PKHD1L1: variants seen among roughly 807,000 people sequenced by gnomAD.
The protein encoded by PKHD1L1 is PKHD1 like 1.
Under a neutral mutation model 462.9 loss-of-function variants are expected in PKHD1L1, and 434 were observed. The ratio of observed to expected loss-of-function variants is 0.94; its 90% CI spans 0.87 to 1.02. The LOEUF (loss-of-function observed/expected upper bound fraction) is 1.02. PKHD1L1 is among the 50% of genes least tolerant of loss of function. The pLI is 0.00. For synonymous variants in PKHD1L1, 1,781 were observed against 1,750.0 expected, an observed-to-expected ratio of 1.02 and a Z score of -0.44; for missense variants, 5,202 against 5,096.1, an observed-to-expected ratio of 1.02 and a Z score of -0.63.
intron 50 of PKHD1L1, chr8:109,470,152 C>T (rs572892010): frequency 3.4e-5 from 22 of 646,578 alleles, no homozygotes; most frequent in South Asian, 2.1e-4. Context: ...AGTTGATCCC[C>T]AAAAATATTT....
Position 109,510,881 on chromosome 8 carries a change from G to C in PKHD1L1, c.11500G>C (p.Gly3834Arg). The change falls in exon 71 of 78, where the codon GGC (glycine) becomes CGC (arginine). Residue 3834 changes from glycine to arginine, a missense_variant. By Grantham distance (125) the Gly-to-Arg change is moderately radical. Around this residue, in one of 3 missense-constraint regions of PKHD1L1, gnomAD observed 698 missense variants for 736.3 expected, o/e 0.95. Coordinates refer to ENST00000378402, the MANE Select transcript of PKHD1L1 (RefSeq NM_177531.6). ...CAAATCTTATGAAGTTTACTTCACT[G>C]GCACCAGTCCTCAGAATCTTCGACT... ...LNKSYEVYFT[G>R]TSPQNLRLML... 1.2e-6 allele frequency: 2 copies of C among 1,613,272 alleles called. No homozygotes were observed. The highest frequency in any genetic ancestry group is 2.2e-5 in the South Asian group (2 of 91,056).
chr8:109,447,424 G>A (rs1403854599), intron 38 of PKHD1L1, among the ~76,000 whole-genome samples: 1 of 152,062 alleles, frequency 6.6e-6, no homozygotes, highest in African/African-American at 2.4e-5. Context: ...AAGTTATGTT[G>A]ACGAATTTTC....
At chr8:109,374,489 A>G (rs952093311) in intron 2 of PKHD1L1, among the ~76,000 whole-genome samples, 1 of 152,210 alleles carries the variant, frequency 6.6e-6, no homozygotes, top group African/African-American at 2.4e-5. Flanking sequence ...TGGAGCATTT[A>G]GCCAATTTAC....
intron 76 of PKHD1L1, among the ~76,000 whole-genome samples, chr8:109,525,668 A>C (rs1206411802): frequency 6.6e-6 from 1 of 152,158 alleles, no homozygotes; most frequent in Non-Finnish European, 1.5e-5. Context: ...CTTCAGGAGG[A>C]GAAAAACAAA....
rs11987091 is a variant in PKHD1L1, at chr8:109,419,130, C to A, written c.2394C>A (p.Leu798=). ...WTYTCIDLLD[L]VRTKYTGTNV... ...ACACTTGCATAGACCTTCTGGATCT[C>A]GTAAGAACGAAATACACTGGGACAA... is the stretch of plus-strand genomic sequence containing the variant. The change falls in exon 22 of 78, where the codon CTC becomes CTA. Residue 798 remains leucine, a synonymous_variant. Transcript: ENST00000378402. The A allele has an allele frequency of 1.9e-6, 3 of 1,613,392 alleles. No homozygotes were observed. In the East Asian group the frequency reaches 6.7e-5, roughly 36 times the overall value.
At chr8:109,427,214 C>G (rs1814804197) in intron 25 of PKHD1L1, 58 bp downstream of exon 25, 2 of 1,306,400 alleles carry the variant, frequency 1.5e-6, no homozygotes, top group Admixed American at 1.9e-5. Flanking sequence ...TTATTTGGAC[C>G]CTGCCTTATT....
At chr8:109,470,077 C>T (rs1000833208) in intron 50 of PKHD1L1, 4 of 430,878 alleles carry the variant, frequency 9.3e-6, no homozygotes, top group Non-Finnish European at 1.6e-5. Context: ...GAAACACAGA[C>T]ATGTGCAACC....
At chr8:109,413,597 A>G in intron 21 of PKHD1L1, 52 bp downstream of exon 21, 2 of 1,345,526 alleles carry the variant, frequency 1.5e-6, no homozygotes, top group Non-Finnish European at 1.9e-6. Flanking sequence ...TATATAAACT[A>G]CAAAGATAAG....
At chr8:109,493,198 A>ATT (rs1818918717) in intron 62 of PKHD1L1, among the ~76,000 whole-genome samples, 1 of 148,538 alleles carries the variant, frequency 6.7e-6, no homozygotes, top group Admixed American at 6.8e-5. Flanking sequence ...TGTTATATGT[A>ATT]TTCTATATAT....
intron 46 of PKHD1L1, among the ~76,000 whole-genome samples, chr8:109,458,812 A>G (rs1171752494): frequency 6.6e-6 from 1 of 152,146 alleles, no homozygotes; most frequent in Admixed American, 6.6e-5. Flanking sequence ...TATACAATCA[A>G]GCATTGACAC....
At chr8:109,479,514 G>A in intron 53 of PKHD1L1, 37 bp from the exon 54 acceptor site, 2 of 1,267,254 alleles carry the variant, frequency 1.6e-6, no homozygotes, top group South Asian at 1.3e-5. Flanking sequence ...AATATCACAA[G>A]TAGTAATTCA....
chr8:109,491,333 T>G (rs1818815389), intron 61 of PKHD1L1, among the ~76,000 whole-genome samples: 1 of 151,844 alleles, frequency 6.6e-6, no homozygotes, highest in African/African-American at 2.4e-5. Flanking sequence ...GGTACATAAT[T>G]TAATTGTACT....
chr8:109,376,094 C>T (rs1811808055), intron 2 of PKHD1L1, among the ~76,000 whole-genome samples: 1 of 152,248 alleles, frequency 6.6e-6, no homozygotes, highest in East Asian at 1.9e-4. Flanking sequence ...GCCCTGCCCC[C>T]AAAGGTGGAG....
intron 69 of PKHD1L1, 49 bp downstream of exon 69, chr8:109,507,944 C>A: frequency 6.3e-7 from 1 of 1,575,490 alleles, no homozygotes; most frequent in African/African-American, 1.4e-5. Context: ...ACTCATGAAA[C>A]AAAATATGTT....
chr8:109,371,115 C>A (rs1049469083), intron 2 of PKHD1L1, among the ~76,000 whole-genome samples: 3 of 152,212 alleles, frequency 2.0e-5, no homozygotes, highest in African/African-American at 7.2e-5. Context: ...TTTACACTCC[C>A]ACCAACAGTG....
At chr8:109,507,452 A>G (rs1043730473) in intron 68 of PKHD1L1, among the ~76,000 whole-genome samples, 1 of 152,154 alleles carries the variant, frequency 6.6e-6, no homozygotes, top group South Asian at 2.1e-4. Context: ...TGAAATGTTA[A>G]TGAATTCATA....
chr8:109,444,976 C>T lies in PKHD1L1; in HGVS notation c.5107C>T (p.Leu1703=). Residue 1703 remains leucine (L), a synonymous_variant, in exon 38 of 78, where the codon CTA becomes TTA. Coordinates refer to ENST00000378402, the MANE Select transcript of PKHD1L1 (RefSeq NM_177531.6). The part of the protein sequence containing the change: ...VLMGHFPCKV[L]SVNYTAIECE... ...TATGGGTCATTTCCCATGTAAAGTT[C>T]TATCAGTGAATTATACGGCCATTGA... 6.2e-7 allele frequency: 1 copy of T among 1,613,968 alleles called. No homozygotes were observed.
chr8:109,397,087 C>T (rs1449002836), intron 11 of PKHD1L1, among the ~76,000 whole-genome samples: 1 of 151,852 alleles, frequency 6.6e-6, no homozygotes, highest in Non-Finnish European at 1.5e-5. Flanking sequence ...ACATTAAAAC[C>T]AGGGCCATAA....
At chr8:109,448,636 C>G (rs1008732478) in intron 39 of PKHD1L1, among the ~76,000 whole-genome samples, 1 of 151,414 alleles carries the variant, frequency 6.6e-6, no homozygotes, top group Non-Finnish European at 1.5e-5. Flanking sequence ...CTCAGCCTCC[C>G]GAGTAGCTGG....
Sources: gnomAD v4.1 joint callset for allele counts (sites outside exome capture counted in the v4.1 genomes callset) on GRCh38, gnomAD v4.1.1 for gene constraint, gnomAD v4.1.1 regional missense constraint, MANE v1.5 for transcripts, NCBI Gene and HGNC (gene_info 2026-07-23, HGNC 2026-07-21) for gene names.